SLC35F3: variants seen among roughly 807,000 people sequenced by gnomAD.
The protein encoded by SLC35F3 is putative thiamine transporter SLC35F3.
Under a neutral mutation model 49.9 loss-of-function variants are expected in SLC35F3, and 25 were observed. That is an observed-to-expected ratio of 0.50 (90% CI 0.37 to 0.70). The LOEUF (loss-of-function observed/expected upper bound fraction) is 0.70. Among genes scored for constraint, SLC35F3 ranks in the 30% least tolerant of loss-of-function variants. The probability of loss-of-function intolerance (pLI) is 0.00; values close to 1 mark genes in which losing one functional copy is unlikely to be tolerated. For synonymous variants in SLC35F3, 275 were observed against 265.4 expected (o/e 1.04, Z -0.35); for missense variants, 525 against 639.8 (o/e 0.82, Z 1.94).
chr1:234,047,719 T>C (rs1664315522), intron 2 of SLC35F3, among the ~76,000 whole-genome samples: 1 of 152,068 alleles, frequency 6.6e-6, no homozygotes, highest in Non-Finnish European at 1.5e-5. Flanking sequence ...ACACAGGATC[T>C]GTTACTCTGG....
At chr1:234,054,410 C>T (rs953556090) in intron 2 of SLC35F3, among the ~76,000 whole-genome samples, 2 of 152,146 alleles carry the variant, frequency 1.3e-5, no homozygotes, top group African/African-American at 2.4e-5. Flanking sequence ...ATCACTGACT[C>T]TTTCTTCCAC....
intron 3 of SLC35F3, among the ~76,000 whole-genome samples, chr1:234,245,526 A>G (rs532616025): frequency 1.3e-5 from 2 of 152,364 alleles, no homozygotes; most frequent in South Asian, 2.1e-4. Flanking sequence ...GAGAACCTAC[A>G]TCTGTTTCAG....
At chr1:234,250,392 C>T (rs1472073073) in intron 3 of SLC35F3, among the ~76,000 whole-genome samples, 2 of 152,180 alleles carry the variant, frequency 1.3e-5, no homozygotes, top group African/African-American at 4.8e-5. Flanking sequence ...CGGTGGCTCA[C>T]GCCTGTAATC....
At chr1:234,042,443 C>G (rs1664234706) in intron 2 of SLC35F3, among the ~76,000 whole-genome samples, 1 of 152,104 alleles carries the variant, frequency 6.6e-6, no homozygotes. Context: ...AGGTTGGCAA[C>G]TACTGATGTA....
chr1:234,157,117 T>C (rs1666166035), intron 2 of SLC35F3, among the ~76,000 whole-genome samples: 1 of 152,206 alleles, frequency 6.6e-6, no homozygotes, highest in African/African-American at 2.4e-5. Flanking sequence ...GTATAGTATG[T>C]ATCTTATATC....
chr1:234,222,114 A>G (rs1667215511), intron 2 of SLC35F3, among the ~76,000 whole-genome samples: 1 of 152,202 alleles, frequency 6.6e-6, no homozygotes. Context: ...ACATGAGTAC[A>G]ACTTGCTCCA....
intron 2 of SLC35F3, among the ~76,000 whole-genome samples, chr1:234,088,983 A>T (rs966232633): frequency 1.1e-4 from 16 of 152,122 alleles, no homozygotes; most frequent in African/African-American, 3.9e-4. Flanking sequence ...GCTGGTCTCC[A>T]ACTTCAGGGC....
intron 2 of SLC35F3, among the ~76,000 whole-genome samples, chr1:234,008,703 G>C (rs1447796335): frequency 6.6e-6 from 1 of 152,188 alleles, no homozygotes; most frequent in Non-Finnish European, 1.5e-5. Context: ...AGGAGTATCT[G>C]ACAGTGCCAT....
chr1:234,007,243 T>C (rs1181316473), intron 2 of SLC35F3, among the ~76,000 whole-genome samples: 2 of 152,262 alleles, frequency 1.3e-5, no homozygotes, highest in African/African-American at 4.8e-5. Flanking sequence ...AAGGAAAACA[T>C]TGAGCAGGGA....
chr1:233,966,110 C>A (rs183484428), intron 2 of SLC35F3, among the ~76,000 whole-genome samples: 36 of 152,222 alleles, frequency 2.4e-4, no homozygotes, highest in African/African-American at 8.7e-4. Flanking sequence ...GGGAAATGGT[C>A]TTCCAGTAAG....
chr1:234,208,899 T>A (rs1039873937), intron 2 of SLC35F3, among the ~76,000 whole-genome samples: 5 of 152,302 alleles, frequency 3.3e-5, no homozygotes, highest in African/African-American at 9.6e-5. Flanking sequence ...AAGAACAGGC[T>A]CCTATCAGAA....
intron 2 of SLC35F3, among the ~76,000 whole-genome samples, chr1:234,159,778 C>T (rs1486244816): frequency 1.3e-5 from 2 of 152,150 alleles, no homozygotes; most frequent in East Asian, 3.8e-4. Flanking sequence ...CCTTCATTCC[C>T]TCACTCATTC....
chr1:234,193,592 G>T (rs1271728404), intron 2 of SLC35F3, among the ~76,000 whole-genome samples: 1 of 151,972 alleles, frequency 6.6e-6, no homozygotes, highest in Admixed American at 6.6e-5. Context: ...AAATAAATAG[G>T]TGGGACTTAA....
At chr1:234,057,341 T>A (rs1664471941) in intron 2 of SLC35F3, among the ~76,000 whole-genome samples, 1 of 152,226 alleles carries the variant, frequency 6.6e-6, no homozygotes, top group African/African-American at 2.4e-5. Flanking sequence ...TCTTTCAGCA[T>A]TTTAGTTTTT....
At chr1:234,267,516 C>G (rs1668007809) in intron 3 of SLC35F3, among the ~76,000 whole-genome samples, 1 of 149,172 alleles carries the variant, frequency 6.7e-6, no homozygotes. Context: ...GGCTGACCCC[C>G]CCACCTCCCT....
intron 2 of SLC35F3, among the ~76,000 whole-genome samples, chr1:234,211,570 A>G (rs1417761999): frequency 6.6e-6 from 1 of 152,216 alleles, no homozygotes; most frequent in Non-Finnish European, 1.5e-5. Context: ...AAGCTTTAAG[A>G]TTCAACTGCC....
chr1:234,150,143 G>A (rs1666055807), intron 2 of SLC35F3, among the ~76,000 whole-genome samples: 1 of 152,224 alleles, frequency 6.6e-6, no homozygotes, highest in Non-Finnish European at 1.5e-5. Flanking sequence ...TAGGAAACTA[G>A]ATTTATCCTC....
intron 2 of SLC35F3, among the ~76,000 whole-genome samples, chr1:233,965,697 C>T (rs1299930203): frequency 1.3e-5 from 2 of 152,170 alleles, no homozygotes; most frequent in Non-Finnish European, 2.9e-5. Context: ...TTCCCCACTC[C>T]AGCCTCCAGA....
intron 2 of SLC35F3, among the ~76,000 whole-genome samples, chr1:233,949,080 G>C (rs1011496012): frequency 2.0e-5 from 3 of 152,124 alleles, no homozygotes; most frequent in South Asian, 4.2e-4. Context: ...TGAAAGTTCT[G>C]TCCATTCCAT....
Sources: allele counts gnomAD v4.1 joint callset (sites outside exome capture counted in the v4.1 genomes callset), GRCh38; gene constraint gnomAD v4.1.1; transcripts MANE v1.5; gene names NCBI Gene and HGNC (gene_info 2026-07-23, HGNC 2026-07-21).